Variants in GGCX observed in about 807,000 individuals in gnomAD.
The protein encoded by GGCX is vitamin K-dependent gamma-carboxylase.
In GGCX, 63 loss-of-function variants were observed where a neutral mutation model predicts 88.5. That is an observed-to-expected ratio of 0.71 (90% CI 0.58 to 0.88). The LOEUF (loss-of-function observed/expected upper bound fraction) is 0.88. Among genes scored for constraint, GGCX ranks in the 40% least tolerant of loss-of-function variants. The pLI is 0.00. For synonymous variants in GGCX, 368 were observed against 365.8 expected (o/e 1.01, Z -0.07); for missense variants, 805 against 932.9 (o/e 0.86, Z 1.79).
At chr2:85,561,068 A>G in intron 1 of GGCX, 83 bp from the exon 2 acceptor site, 8 of 1,211,474 alleles carry the variant, frequency 6.6e-6, no homozygotes, top group Non-Finnish European at 8.6e-6. Flanking sequence ...AACAGCTCAG[A>G]GCTTCCGCCC....
rs779859772 is a variant in GGCX, at chr2:85,556,194, C to T, written c.606G>A (p.Val202=). 4.4e-6 allele frequency: 7 copies of T among 1,608,374 alleles called. No homozygotes were observed. The highest frequency in any genetic ancestry group is 3.4e-6 in the Non-Finnish European group (4 of 1,174,710). Residue 202 remains valine (V), a synonymous_variant, in exon 5 of 15, where the codon GTG becomes GTA. Transcript: ENST00000233838. The stretch of plus-strand genomic sequence containing the variant: ...TAAAATGCTGTACCTGGCCACGGAG[C>T]ACTGCATAGTTCCAAAGGGGCACGT... ...NAHVPLWNYA[V]LRGQIFIVYF... is the part of the protein sequence containing the mutation.
Position 85,546,486 on chromosome 2 carries a change from GC to G in GGCX, c.*3447del, listed in dbSNP as rs71390078. The G allele has an allele frequency of 0.11, 17,106 of 152,106 alleles. 1,005 individuals are homozygous for G. The highest frequency in any genetic ancestry group is 0.19 in the South Asian group (903 of 4,822). The allele number at this position is 152,106 out of a possible 1,614,324, so 9.4% of individuals were successfully genotyped here. A position where few individuals can be genotyped will look rare whatever the true frequency, so the allele number is the denominator to read the frequency against. ...AATCCCAGCACTTTGGGAGGCTAAT[GC>G]GGGTGGATCACCTGAGGTCACGGTT... is the stretch of plus-strand genomic sequence containing the variant. On this transcript the variant is annotated 3_prime_UTR_variant, in exon 15 of 15. Coordinates refer to ENST00000233838, the MANE Select transcript of GGCX (RefSeq NM_000821.7).
chr2:85,555,730 C>T, intron 5 of GGCX, 140 bp from the exon 6 acceptor site: 2 of 649,976 alleles, frequency 3.1e-6, no homozygotes, highest in South Asian at 1.6e-5. Flanking sequence ...TATTACAGTC[C>T]TTGACCCAAA....
rs1166426235 is a variant in GGCX, at chr2:85,544,755, C to G, written c.*5179G>C. On this transcript the variant is annotated 3_prime_UTR_variant, in exon 15 of 15. Coordinates refer to ENST00000233838, the MANE Select transcript of GGCX (RefSeq NM_000821.7). Reference sequence around the variant, plus strand: ...TTTGTTTTATTTTCAAAACCAGGTCCAATGAGCTTTCTGAACAGCTGGTGT... The same window carrying G: ...TTTGTTTTATTTTCAAAACCAGGTCGAATGAGCTTTCTGAACAGCTGGTGT... 1 of 152,518 alleles carries G rather than the reference C, an allele frequency of 6.6e-6. No homozygotes were observed. Among genetic ancestry groups the G allele is most frequent in the East Asian group, 1.9e-4 (1 of 5,200 alleles). 9.4% of individuals were successfully genotyped at this position (152,518 alleles called of 1,614,324 possible). A position where few individuals can be genotyped will look rare whatever the true frequency, so the allele number is the denominator to read the frequency against.
intron 13 of GGCX, 77 bp downstream of exon 13, chr2:85,550,848 G>A: frequency 6.3e-7 from 1 of 1,587,502 alleles, no homozygotes; most frequent in Non-Finnish European, 8.6e-7. Context: ...GTTCATTCTT[G>A]AATGGCTAGA....
At chr2:85,560,176 G>C (rs968476837) in intron 2 of GGCX, among the ~76,000 whole-genome samples, 1 of 152,128 alleles carries the variant, frequency 6.6e-6, no homozygotes, top group African/African-American at 2.4e-5. Flanking sequence ...CTCTTGATTA[G>C]GGAGTCACAG....
rs746348970 is a variant in GGCX, at chr2:85,549,464, C to G, written c.*470G>C. 5.8e-6 allele frequency: 1 copy of G among 171,130 alleles called. No homozygotes were observed. The highest frequency in any genetic ancestry group is 1.3e-5 in the Non-Finnish European group (1 of 79,396). The allele number at this position is 171,130 out of a possible 1,614,324, so 10.6% of individuals were successfully genotyped here. ...GCAACCTCCACCTCCTGGGCCCAAG[C>G]GATTCTCATGCCTCAGCCTCCTGGG... On this transcript the variant is annotated 3_prime_UTR_variant, in exon 15 of 15. Coordinates refer to ENST00000233838, the MANE Select transcript of GGCX (RefSeq NM_000821.7).
chr2:85,555,595 AAAT>A lies in GGCX; in HGVS notation c.619-8_619-6del. The A allele has an allele frequency of 6.8e-7, 1 of 1,479,512 alleles. No individual in the cohort carries two copies. The highest frequency in any genetic ancestry group is 9.5e-7 in the Non-Finnish European group (1 of 1,057,256). The allele number at this position is 1,479,512 out of a possible 1,614,324, so 91.6% of individuals were successfully genotyped here. On this transcript the variant is annotated splice_region_variant and splice_polypyrimidine_tract_variant and intron_variant, in intron 5 of 14. Coordinates refer to ENST00000233838, the MANE Select transcript of GGCX (RefSeq NM_000821.7). ...AATGAAGTACACAATGAAGATCTGA[AAAT>A]AAAATGTGACACAAAGTTCAAGCAA...
intron 2 of GGCX, 149 bp downstream of exon 2, chr2:85,560,666 T>C (rs1474547712): frequency 1.3e-6 from 1 of 770,618 alleles, no homozygotes; most frequent in African/African-American, 1.7e-5. Context: ...ACAAAGCAGG[T>C]TTAATCCTAA....
At chr2:85,554,101 A>G (rs776534977) in intron 7 of GGCX, 42 bp downstream of exon 7, 2 of 1,536,678 alleles carry the variant, frequency 1.3e-6, no homozygotes, top group Admixed American at 3.3e-5. Flanking sequence ...CCCTTCCTGC[A>G]AAACTGTGGT....
chr2:85,559,152 G>C (rs1692329476), intron 2 of GGCX, 77 bp from the exon 3 acceptor site: 4 of 1,194,580 alleles, frequency 3.3e-6, no homozygotes, highest in Non-Finnish European at 5.0e-6. Flanking sequence ...ACAGTTGACA[G>C]TGTGCAGCTC....
chr2:85,555,491 G>A lies in GGCX; in HGVS notation c.718C>T (p.Pro240Ser). Residue 240 changes from proline to serine, a missense_variant, in exon 6 of 15, where the codon CCC (proline) becomes TCC (serine). Around this residue, in one of 3 missense-constraint regions of GGCX, gnomAD observed 680 missense variants for 763.7 expected, o/e 0.89. Coordinates refer to ENST00000233838, the MANE Select transcript of GGCX (RefSeq NM_000821.7). ...ACCATGACTGCCACTCACTTGAAGG[G>A]ACTGAAGAGCCAGTGCCGGGACAAA... is the stretch of plus-strand genomic sequence containing the variant. Reference protein sequence around the residue: ...EYLSRHWLFSPFKLLLSEELT... With the variant: ...EYLSRHWLFSSFKLLLSEELT... 2 of 1,551,012 alleles carry A rather than the reference G, an allele frequency of 1.3e-6. No homozygotes were observed. Among genetic ancestry groups the A allele is most frequent in the Non-Finnish European group, 1.8e-6 (2 of 1,122,508 alleles).
In GGCX at chr2:85,545,175, A is replaced by T. The variant is rs1691596874; in HGVS notation, c.*4759T>A. 6.6e-6 allele frequency: 1 copy of T among 152,652 alleles called. No homozygotes were observed. The highest frequency in any genetic ancestry group is 1.5e-5 in the Non-Finnish European group (1 of 68,036). The allele number at this position is 152,652 out of a possible 1,614,324, so 9.5% of individuals were successfully genotyped here. On this transcript the variant is annotated 3_prime_UTR_variant, in exon 15 of 15. Transcript: ENST00000233838. ...TATTCCATGACTGCTTGCCCTAAGC[A>T]GAAAGTGCCTTTCAGGATCTATTTT...
chr2:85,550,368 A>G (rs1442958262), intron 14 of GGCX, among the ~76,000 whole-genome samples, 187 bp downstream of exon 14: 1 of 152,178 alleles, frequency 6.6e-6, no homozygotes, highest in East Asian at 1.9e-4. Flanking sequence ...CTGAGGCAGA[A>G]CAAGAAAGCA....
At chr2:85,553,815 G>A (rs942746178) in intron 7 of GGCX, 16 of 461,040 alleles carry the variant, frequency 3.5e-5, no homozygotes, top group Admixed American at 6.8e-5. Context: ...TGGTCAGGCC[G>A]GTCTCGAACT....
chr2:85,554,446 C>G (rs940510054), intron 6 of GGCX, 140 bp from the exon 7 acceptor site: 2 of 668,720 alleles, frequency 3.0e-6, no homozygotes, highest in Non-Finnish European at 5.4e-6. Flanking sequence ...AGACACTCCT[C>G]TAGGTTGTTT....
chr2:85,552,644 A>T, intron 9 of GGCX, 77 bp from the exon 10 acceptor site: 1 of 1,360,422 alleles, frequency 7.4e-7, no homozygotes, highest in Non-Finnish European at 1.1e-6. Context: ...CAATGGCACA[A>T]CGAGATCCCT....
At chr2:85,557,072 A>C (rs1692231866) in intron 4 of GGCX, among the ~76,000 whole-genome samples, 1 of 152,200 alleles carries the variant, frequency 6.6e-6, no homozygotes, top group South Asian at 2.1e-4. Context: ...TTGAGGTTGC[A>C]GTGAGCTATG....
chr2:85,550,792 C>G (rs1456814521), intron 13 of GGCX, 42 bp from the exon 14 acceptor site: 20 of 1,594,242 alleles, frequency 1.3e-5, no homozygotes, highest in Non-Finnish European at 1.6e-5. Context: ...TGAGATGGAT[C>G]ACTCTCTCCC....
Sources: allele counts gnomAD v4.1 joint callset (sites outside exome capture counted in the v4.1 genomes callset), GRCh38; gene constraint gnomAD v4.1.1; regional missense constraint gnomAD v4.1.1; transcripts MANE v1.5; gene names NCBI Gene and HGNC (gene_info 2026-07-23, HGNC 2026-07-21).